The following RORA variants were observed in gnomAD, a reference collection of about 807,000 sequenced individuals.
RORA encodes nuclear receptor ROR-alpha.
In RORA, 7 loss-of-function variants were observed where a neutral mutation model predicts 69.5. The observed-to-expected ratio is 0.10, with a 90% CI of 0.06 to 0.19. The LOEUF (loss-of-function observed/expected upper bound fraction) is 0.19. Among genes scored for constraint, RORA ranks in the 10% least tolerant of loss-of-function variants. The pLI, the probability that RORA is intolerant of heterozygous loss-of-function variation, is 1.00. For synonymous variants in RORA, 261 were observed against 240.8 expected (o/e 1.08, Z -0.78); for missense variants, 457 against 663.0 (o/e 0.69, Z 3.41).
At chr15:60,829,676 G>C (rs186906686) in intron 1 of RORA, among the ~76,000 whole-genome samples, 26 of 152,322 alleles carry the variant, frequency 1.7e-4, no homozygotes, top group Middle Eastern at 3.4e-3. Flanking sequence ...TGAAAGGGTA[G>C]GGCCCAGACA....
intron 2 of RORA, among the ~76,000 whole-genome samples, chr15:60,595,117 AACATCTCCCATATTGAAGGG>A (rs551174927): frequency 6.6e-6 from 1 of 152,030 alleles, no homozygotes; most frequent in Non-Finnish European, 1.5e-5. Context: ...AGTAAAAGGG[AACATCTCCCATATTGAAGGG>A]ACATCTCCCT....
chr15:60,934,577 C>T (rs894758496), intron 1 of RORA, among the ~76,000 whole-genome samples: 17 of 152,128 alleles, frequency 1.1e-4, no homozygotes, highest in African/African-American at 4.1e-4. Flanking sequence ...TGGCCTCAAG[C>T]AGTCCTCTTG....
chr15:60,926,881 T>G (rs1215164626), intron 1 of RORA, among the ~76,000 whole-genome samples: 1 of 152,220 alleles, frequency 6.6e-6, no homozygotes, highest in African/African-American at 2.4e-5. Context: ...CCAGATAGAC[T>G]GTACAGAGAG....
chr15:60,779,720 C>T (rs1462552196), intron 1 of RORA, among the ~76,000 whole-genome samples: 4 of 152,210 alleles, frequency 2.6e-5, no homozygotes, highest in Admixed American at 1.3e-4. Context: ...CAAGACAGTC[C>T]TAGCAATGAA....
At chr15:60,580,768 G>A (rs2068169787) in intron 2 of RORA, among the ~76,000 whole-genome samples, 1 of 152,202 alleles carries the variant, frequency 6.6e-6, no homozygotes, top group East Asian at 1.9e-4. Flanking sequence ...TTTGTCTTGT[G>A]CTCCCTCTTT....
At chr15:61,153,849 C>T (rs1596031357) in intron 1 of RORA, among the ~76,000 whole-genome samples, 1 of 152,172 alleles carries the variant, frequency 6.6e-6, no homozygotes, top group Admixed American at 6.5e-5. Context: ...GACATGGAGG[C>T]CCAGGCCGGA....
chr15:60,539,982 C>T (rs559206981), intron 2 of RORA, among the ~76,000 whole-genome samples: 4 of 152,188 alleles, frequency 2.6e-5, no homozygotes, highest in East Asian at 3.9e-4. Context: ...TAGAATCTCT[C>T]GGGGTGGGTT....
chr15:60,857,275 G>A (rs7497885), intron 1 of RORA, among the ~76,000 whole-genome samples: 16,502 of 152,082 alleles, frequency 0.11, 1,118 homozygotes, highest in Admixed American at 0.21. Flanking sequence ...CACTTCCCAG[G>A]GCTTGAAGAG....
chr15:60,734,842 G>A (rs1372740742), intron 1 of RORA, among the ~76,000 whole-genome samples: 2 of 152,284 alleles, frequency 1.3e-5, no homozygotes, highest in Middle Eastern at 3.4e-3. Flanking sequence ...TTTTGGCAAT[G>A]GCTAACTAAA....
At chr15:61,099,308 T>A (rs2078843804) in intron 1 of RORA, among the ~76,000 whole-genome samples, 1 of 152,204 alleles carries the variant, frequency 6.6e-6, no homozygotes, top group Non-Finnish European at 1.5e-5. Context: ...GTTCACAACC[T>A]CCCAGTGCAA....
At chr15:60,620,741 G>A (rs1481392041) in intron 2 of RORA, among the ~76,000 whole-genome samples, 1 of 152,220 alleles carries the variant, frequency 6.6e-6, no homozygotes, top group Non-Finnish European at 1.5e-5. Context: ...AACTCGTTTG[G>A]CTGGAGTGCT....
At chr15:60,555,068 G>A (rs906567557) in intron 2 of RORA, among the ~76,000 whole-genome samples, 2 of 152,122 alleles carry the variant, frequency 1.3e-5, no homozygotes, top group African/African-American at 4.8e-5. Flanking sequence ...CCAAAGAAGA[G>A]GTGATAATCT....
chr15:61,133,403 G>A (rs573852151), intron 1 of RORA, among the ~76,000 whole-genome samples: 119 of 152,160 alleles, frequency 7.8e-4, no homozygotes, highest in African/African-American at 2.6e-3. Context: ...TACCCTTTCC[G>A]CAAGGTTACA....
chr15:60,838,188 C>T (rs1027399635), intron 1 of RORA, among the ~76,000 whole-genome samples: 1 of 152,166 alleles, frequency 6.6e-6, no homozygotes, highest in Non-Finnish European at 1.5e-5. Context: ...GTTTCTGCCA[C>T]CCCTACTCTC....
chr15:60,599,519 C>A (rs1486306192), intron 2 of RORA, among the ~76,000 whole-genome samples: 1 of 152,058 alleles, frequency 6.6e-6, no homozygotes. Context: ...TCACTGCACT[C>A]CAGCCTGGGC....
intron 1 of RORA, among the ~76,000 whole-genome samples, chr15:61,117,629 A>G (rs1389162107): frequency 6.6e-6 from 1 of 152,196 alleles, no homozygotes; most frequent in African/African-American, 2.4e-5. Context: ...TGTTTGAGGA[A>G]TTCTCTCCCA....
chr15:60,722,169 TTTG>T (rs2071302185), intron 1 of RORA, among the ~76,000 whole-genome samples: 1 of 152,220 alleles, frequency 6.6e-6, no homozygotes, highest in Non-Finnish European at 1.5e-5. Flanking sequence ...TCCCTTTCAG[TTTG>T]TTATTTATTT....
chr15:60,667,565 G>A (rs1009713771), intron 2 of RORA, among the ~76,000 whole-genome samples: 3 of 152,164 alleles, frequency 2.0e-5, no homozygotes, highest in Non-Finnish European at 2.9e-5. Context: ...TGTATTAGAA[G>A]TTTTTGAATT....
chr15:60,930,824 A>G (rs994496802), intron 1 of RORA, among the ~76,000 whole-genome samples: 11 of 152,094 alleles, frequency 7.2e-5, no homozygotes, highest in Admixed American at 2.6e-4. Flanking sequence ...GAGATTCCCA[A>G]TCATTTATCT....
Sources: allele counts gnomAD v4.1 joint callset (sites outside exome capture counted in the v4.1 genomes callset), GRCh38; gene constraint gnomAD v4.1.1; transcripts MANE v1.5; gene names NCBI Gene and HGNC (gene_info 2026-07-23, HGNC 2026-07-21).